Variants in POLD1 observed in about 807,000 individuals in gnomAD.
The protein encoded by POLD1 is DNA polymerase delta 1, catalytic subunit.
A neutral mutation model predicts 129.7 loss-of-function variants in POLD1; 79 were observed. The ratio of observed to expected loss-of-function variants is 0.61; its 90% confidence interval spans 0.51 to 0.73. POLD1 has a LOEUF of 0.73. Ranked by LOEUF, POLD1 falls within the 30% of genes least tolerant of loss-of-function variation. The probability of loss-of-function intolerance (pLI) is 0.00; values close to 1 mark genes in which losing one functional copy is unlikely to be tolerated. For synonymous variants in POLD1, 714 were observed against 683.3 expected (o/e 1.04, Z -0.70); for missense variants, 1,338 against 1,595.8 (o/e 0.84, Z 2.75).
rs944445941 is a variant in POLD1 at position 50,406,147 on chromosome 19, C to T, written c.1243-35C>T. On this transcript the variant is annotated intron_variant, in intron 10 of 26. Coordinates refer to ENST00000440232, the MANE Select transcript of POLD1 (RefSeq NM_002691.4). This position sits in a 1 kb window ranked among gnomAD's most constrained non-coding sequence, Gnocchi z 5.5. ...TCTTCAGGCTTATGTGACGGGGACC[C>T]GCAGCCTGCTGCACACCCTGCCTCT... The T allele has an allele frequency of 5.0e-6, 8 of 1,599,670 alleles. No individual in the cohort carries two copies. The highest frequency in any genetic ancestry group is 3.3e-5 in the South Asian group (3 of 89,914).
chr19:50,403,700 T>TG (rs2038757646), intron 10 of POLD1, 103 bp downstream of exon 10: 3 of 789,082 alleles, frequency 3.8e-6, no homozygotes. Context: ...TGGTGCATCT[T>TG]GCTCTGTGTG....
chr19:50,417,325 G>T (rs1189230521), intron 26 of POLD1, 56 bp downstream of exon 26: 3 of 1,284,186 alleles, frequency 2.3e-6, no homozygotes, highest in Non-Finnish European at 3.2e-6. Context: ...TCCCAGGCCT[G>T]TGGGTTGTGG....
intron 1 of POLD1, among the ~76,000 whole-genome samples, chr19:50,391,091 C>T (rs537628940): frequency 0.027 from 3,936 of 146,412 alleles, 186 homozygotes; most frequent in African/African-American, 0.1. Flanking sequence ...GGGTACACCT[C>T]CCAGACGGGG....
At chr19:50,395,750 T>A (rs2038337335) in intron 1 of POLD1, among the ~76,000 whole-genome samples, 1 of 152,142 alleles carries the variant, frequency 6.6e-6, no homozygotes, top group Admixed American at 6.6e-5. Context: ...TTGCAGACAT[T>A]ATGGCCGTTT....
chr19:50,392,511 T>G (rs1324492135), intron 1 of POLD1, among the ~76,000 whole-genome samples: 2 of 152,178 alleles, frequency 1.3e-5, no homozygotes, highest in Non-Finnish European at 2.9e-5. Context: ...AGAGTCTTGC[T>G]CTGTCACCCA....
chr19:50,401,396 T>TATATATATATAA (rs1555789658), intron 3 of POLD1, among the ~76,000 whole-genome samples: 3 of 78,756 alleles, frequency 3.8e-5, no homozygotes, highest in African/African-American at 1.9e-4. Context: ...TATATATTTT[T>TATATATATATAA]TTTTTTTTTT....
chr19:50,415,479 C>T lies in POLD1; in HGVS notation c.2606C>T (p.Ser869Leu), dbSNP rs1422842883. Residue 869 changes from serine (S) to leucine (L), a missense_variant, in exon 21 of 27, where the codon TCG becomes TTG. Transcript: ENST00000440232. ...GAVAHAQDVI[S>L]DLLCNRIDIS... ...GTGGCTCACGCACAGGACGTCATCT[C>T]GGACCTGCTGTGCAACCGCATCGAT... The T allele has an allele frequency of 6.2e-6, 10 of 1,613,124 alleles. No homozygotes were observed. The highest frequency in any genetic ancestry group is 2.2e-5 in the East Asian group (1 of 44,888).
chr19:50,401,396 T>G (rs1213955763), intron 3 of POLD1, among the ~76,000 whole-genome samples: 3 of 78,760 alleles, frequency 3.8e-5, no homozygotes, highest in Admixed American at 1.4e-4. Flanking sequence ...TATATATTTT[T>G]TTTTTTTTTT....
In POLD1 at chr19:50,407,314, T is replaced by G. The variant is rs1234481596; in HGVS notation, c.1687-13T>G. On this transcript the variant is annotated splice_polypyrimidine_tract_variant and intron_variant, in intron 13 of 26. Transcript: ENST00000440232. ...CCTATACCCACTCCATTTCCCACCT[T>G]CTCCCCTCCCAGGCCATGCACGAGG... The G allele has an allele frequency of 6.2e-7, 1 of 1,604,746 alleles. No homozygotes were observed. Among genetic ancestry groups the G allele is most frequent in the South Asian group, 1.1e-5 (1 of 90,276 alleles).
At chr19:50,414,500 G>A (rs1210672326) in intron 19 of POLD1, among the ~76,000 whole-genome samples, 1 of 152,238 alleles carries the variant, frequency 6.6e-6, no homozygotes, top group Non-Finnish European at 1.5e-5. Context: ...TCACCCAGCC[G>A]TAGTTTCTCC....
At chr19:50,416,824 TG>T in intron 24 of POLD1, 101 bp downstream of exon 24, 1 of 1,028,644 alleles carries the variant, frequency 9.7e-7, no homozygotes, top group Non-Finnish European at 1.4e-6. Flanking sequence ...TGCCACCCAG[TG>T]GGCCCAGGGC....
chr19:50,415,674 C>A (rs1158859175), intron 21 of POLD1, 50 bp from the exon 22 acceptor site: 1 of 1,440,508 alleles, frequency 6.9e-7, no homozygotes, highest in Non-Finnish European at 9.4e-7. Flanking sequence ...CTCGCCCCCA[C>A]CCCCGCCACC....
chr19:50,415,111 CCCT>C (rs1163024512), intron 20 of POLD1, 121 bp downstream of exon 20: 4 of 952,108 alleles, frequency 4.2e-6, no homozygotes, highest in East Asian at 5.6e-5. Flanking sequence ...GCCCCCAGCC[CCCT>C]CCTCCTCAGA....
rs975101685 is a variant in POLD1, at chr19:50,414,134, T to C, written c.2388+255T>C. Among the ~76,000 whole-genome samples the C allele has an allele frequency of 4.6e-5, 7 of 152,242 alleles. No individual in the cohort carries two copies. The East Asian group carries it at 1.2e-3, about 25-fold the overall frequency. On this transcript the variant is annotated intron_variant, in intron 19 of 26. Coordinates refer to ENST00000440232, the MANE Select transcript of POLD1 (RefSeq NM_002691.4). Reference sequence around the variant, plus strand: ...TGTCCCTGGTTTTGAGGTTTCCCAGTACCTGTCAGATGTGGAGCTGCCCTC... The same window carrying C: ...TGTCCCTGGTTTTGAGGTTTCCCAGCACCTGTCAGATGTGGAGCTGCCCTC...
At chr19:50,402,833 G>T in intron 8 of POLD1, 92 bp downstream of exon 8, 1 of 1,499,772 alleles carries the variant, frequency 6.7e-7, no homozygotes. Context: ...TGGCAAGCAT[G>T]AAGGTGCCGG....
chr19:50,415,859 G>A (rs961624406), intron 22 of POLD1, 33 bp downstream of exon 22: 20 of 1,375,928 alleles, frequency 1.5e-5, no homozygotes, highest in Non-Finnish European at 1.9e-5. Context: ...CTCCCGCCCA[G>A]CCCCCTCGCT....
chr19:50,398,070 G>A (rs1441416611), intron 1 of POLD1, among the ~76,000 whole-genome samples: 5 of 152,220 alleles, frequency 3.3e-5, no homozygotes, highest in Non-Finnish European at 7.3e-5. Context: ...AGGGCAGAGA[G>A]AGGCGGTGAG....
chr19:50,390,225 C>A (rs971621742), intron 1 of POLD1, among the ~76,000 whole-genome samples: 6 of 145,100 alleles, frequency 4.1e-5, no homozygotes, highest in Non-Finnish European at 7.4e-5. Flanking sequence ...TTCTTTTTTT[C>A]TTTTCTTTTC....
At chr19:50,404,848 A>C (rs1321712113) in intron 10 of POLD1, among the ~76,000 whole-genome samples, 1 of 123,566 alleles carries the variant, frequency 8.1e-6, no homozygotes, top group Non-Finnish European at 1.5e-5. Context: ...TCCGCCTCCC[A>C]GGGGGCGCTG....
Sources: gnomAD v4.1 joint callset for allele counts (sites outside exome capture counted in the v4.1 genomes callset) on GRCh38, gnomAD v4.1.1 for gene constraint, Gnocchi (gnomAD v3.1) non-coding constraint, MANE v1.5 for transcripts, NCBI Gene and HGNC (gene_info 2026-07-23, HGNC 2026-07-21) for gene names.